PLPPR5: variants seen among roughly 807,000 people sequenced by gnomAD.
The protein encoded by PLPPR5 is phospholipid phosphatase related 5.
In PLPPR5, 16 loss-of-function variants were observed where a neutral mutation model predicts 33.9. The ratio of observed to expected loss-of-function variants is 0.47; its 90% CI spans 0.32 to 0.72. PLPPR5 has a LOEUF of 0.72. PLPPR5 is among the 30% of genes least tolerant of loss of function. The pLI is 0.03. For missense variants in PLPPR5, 301 were observed against 406.7 expected (o/e 0.74, Z 2.23); for synonymous variants, 163 against 150.3 (o/e 1.08, Z -0.62).
At chr1:98,998,063 T>A (rs1202242073) in intron 1 of PLPPR5, among the ~76,000 whole-genome samples, 1 of 150,292 alleles carries the variant, frequency 6.7e-6, no homozygotes, top group East Asian at 2.0e-4. Context: ...CTTAGCAGTA[T>A]GCAAAGGAGA....
intron 5 of PLPPR5, among the ~76,000 whole-genome samples, chr1:98,913,633 C>G (rs1557666751): frequency 6.6e-6 from 1 of 152,184 alleles, no homozygotes; most frequent in Non-Finnish European, 1.5e-5. Context: ...ATTGCAGTCA[C>G]TGAAGAATTT....
At chr1:98,953,435 A>C in intron 2 of PLPPR5, 115 bp from the exon 3 acceptor site, 1 of 1,407,260 alleles carries the variant, frequency 7.1e-7, no homozygotes, top group Non-Finnish European at 9.4e-7. Flanking sequence ...AATATTTTAG[A>C]AACTATAAAA....
chr1:98,996,742 CA>C (rs1384066042), intron 1 of PLPPR5, among the ~76,000 whole-genome samples: 19 of 152,202 alleles, frequency 1.2e-4, no homozygotes, highest in African/African-American at 4.3e-4. Context: ...TCTTAGGAAT[CA>C]ATAAACTTTT....
upstream of PLPPR5, chr1:99,005,171 G>GGGGGAAAAATCAAAAGC (rs1653041020): frequency 6.6e-6 from 1 of 151,240 alleles, no homozygotes; most frequent in Non-Finnish European, 1.5e-5. Flanking sequence ...AAATCAAAAG[G>GGGGGAAAAATCAAAAGC]GGGGGAGGGG....
At chr1:98,970,720 A>G (rs1019364087) in intron 1 of PLPPR5, among the ~76,000 whole-genome samples, 12 of 151,886 alleles carry the variant, frequency 7.9e-5, no homozygotes, top group Non-Finnish European at 1.8e-4. Context: ...AGGTTAAGTA[A>G]TTTTCCCAAG....
chr1:99,005,474 A>G (rs776580751), upstream of PLPPR5, among the ~76,000 whole-genome samples: 105 of 152,170 alleles, frequency 6.9e-4, no homozygotes, highest in Non-Finnish European at 5.1e-4. Context: ...GGCTTTGTGT[A>G]TATATATATG....
intron 5 of PLPPR5, among the ~76,000 whole-genome samples, chr1:98,913,898 C>T (rs1328550477): frequency 6.6e-6 from 1 of 152,212 alleles, no homozygotes; most frequent in African/African-American, 2.4e-5. Context: ...GGTTTCTGTG[C>T]TCACTGCCAT....
chr1:98,957,780 T>C (rs867489789), intron 1 of PLPPR5, among the ~76,000 whole-genome samples: 1 of 152,174 alleles, frequency 6.6e-6, no homozygotes, highest in Non-Finnish European at 1.5e-5. Flanking sequence ...CTTTTACAAG[T>C]AAAGAAACAC....
At chr1:98,985,849 T>C (rs2100756247) in intron 1 of PLPPR5, among the ~76,000 whole-genome samples, 2 of 152,214 alleles carry the variant, frequency 1.3e-5, no homozygotes, top group Middle Eastern at 3.4e-3. Context: ...GTACACTTCA[T>C]GATGTTTGCA....
intron 1 of PLPPR5, among the ~76,000 whole-genome samples, chr1:98,961,895 C>T (rs1651262050): frequency 6.6e-6 from 1 of 152,212 alleles, no homozygotes; most frequent in African/African-American, 2.4e-5. Context: ...TTACCATCCC[C>T]TGCTCCACTA....
At chr1:98,915,400 C>G (rs185279462) in intron 4 of PLPPR5, among the ~76,000 whole-genome samples, 3 of 152,060 alleles carry the variant, frequency 2.0e-5, no homozygotes, top group African/African-American at 7.2e-5. Flanking sequence ...CCTTAATTAA[C>G]CTAGCTTATC....
intron 1 of PLPPR5, among the ~76,000 whole-genome samples, chr1:98,975,233 G>A (rs1173279599): frequency 6.6e-6 from 1 of 152,036 alleles, no homozygotes; most frequent in Non-Finnish European, 1.5e-5. Context: ...TCATCTCATT[G>A]GTTTATAGAG....
intron 3 of PLPPR5, among the ~76,000 whole-genome samples, chr1:98,946,262 G>A (rs1650546627): frequency 1.3e-5 from 2 of 152,136 alleles, no homozygotes; most frequent in Non-Finnish European, 2.9e-5. Flanking sequence ...GTTTATAACA[G>A]TATGTAGAGA....
At chr1:98,919,966 G>A (rs1649485501) in intron 4 of PLPPR5, among the ~76,000 whole-genome samples, 3 of 152,104 alleles carry the variant, frequency 2.0e-5, no homozygotes. Flanking sequence ...ATTCATAAAT[G>A]GCTGTGAATG....
chr1:98,988,995 G>A (rs906056340), intron 1 of PLPPR5, among the ~76,000 whole-genome samples: 1 of 152,072 alleles, frequency 6.6e-6, no homozygotes, highest in Non-Finnish European at 1.5e-5. Context: ...CCCTTTTATA[G>A]AGTAAGACTT....
chr1:98,952,080 T>C (rs1650804596), intron 3 of PLPPR5, among the ~76,000 whole-genome samples: 1 of 152,064 alleles, frequency 6.6e-6, no homozygotes, highest in South Asian at 2.1e-4. Context: ...CTGGCCAACA[T>C]GGTGAAACCC....
chr1:98,976,445 C>T (rs1651857596), intron 1 of PLPPR5, among the ~76,000 whole-genome samples: 1 of 152,000 alleles, frequency 6.6e-6, no homozygotes. Flanking sequence ...TCAGATATAT[C>T]TTCTAAAGTA....
intron 3 of PLPPR5, among the ~76,000 whole-genome samples, chr1:98,938,064 G>C (rs1650237078): frequency 6.6e-6 from 1 of 151,926 alleles, no homozygotes; most frequent in Non-Finnish European, 1.5e-5. Context: ...GCTCATAGAG[G>C]GTGGGAATCA....
chr1:98,948,284 G>C (rs1365535303), intron 3 of PLPPR5, among the ~76,000 whole-genome samples: 1 of 152,174 alleles, frequency 6.6e-6, no homozygotes, highest in Non-Finnish European at 1.5e-5. Context: ...AGCAGTGATT[G>C]TTGTGCATGG....
Sources: allele counts gnomAD v4.1 joint callset (sites outside exome capture counted in the v4.1 genomes callset), GRCh38; gene constraint gnomAD v4.1.1; transcripts MANE v1.5; gene names NCBI Gene and HGNC (gene_info 2026-07-23, HGNC 2026-07-21).